Variants in ACACB observed in about 807,000 individuals in gnomAD.
ACACB encodes the protein acetyl-CoA carboxylase beta, also known as acetyl-CoA carboxylase 2.
A neutral mutation model predicts 278.8 loss-of-function variants in ACACB; 209 were observed. The observed-to-expected ratio is 0.75, with a 90% CI of 0.67 to 0.84. The LOEUF is 0.84. Ranked by LOEUF, ACACB falls within the 40% of genes least tolerant of loss-of-function variation. The probability of loss-of-function intolerance (pLI) is 0.00; values close to 1 mark genes in which losing one functional copy is unlikely to be tolerated. For missense variants in ACACB, 2,850 were observed against 3,269.0 expected (o/e 0.87, Z 3.13); for synonymous variants, 1,174 against 1,285.6 (o/e 0.91, Z 1.86).
At chr12:109,258,707 C>T (rs1410648959) in intron 46 of ACACB, among the ~76,000 whole-genome samples, 1 of 152,204 alleles carries the variant, frequency 6.6e-6, no homozygotes. Context: ...GCCGGCTTTA[C>T]CCCAACTCAG....
At chr12:109,127,372 C>G (rs1282612974) in intron 1 of ACACB, among the ~76,000 whole-genome samples, 1 of 151,436 alleles carries the variant, frequency 6.6e-6, no homozygotes, top group Admixed American at 6.6e-5. Context: ...AGCTCTTACT[C>G]AGGAGTTCAA....
At chr12:109,151,759 A>G (rs1215404851) in intron 2 of ACACB, among the ~76,000 whole-genome samples, 1 of 152,212 alleles carries the variant, frequency 6.6e-6, no homozygotes, top group Non-Finnish European at 1.5e-5. Context: ...TCTGAGAGGA[A>G]GGGCTTAATG....
chr12:109,241,007 G>C, intron 35 of ACACB, 71 bp from the exon 36 acceptor site: 1 of 1,472,098 alleles, frequency 6.8e-7, no homozygotes, highest in Non-Finnish European at 9.5e-7. Context: ...CCTCTTATTA[G>C]TATCAGTGCT....
intron 15 of ACACB, among the ~76,000 whole-genome samples, chr12:109,193,410 G>T (rs917252663): frequency 3.3e-5 from 5 of 151,974 alleles, no homozygotes; most frequent in Non-Finnish European, 5.9e-5. Context: ...TAGAGATGGG[G>T]TTTTGCCATG....
intron 17 of ACACB, among the ~76,000 whole-genome samples, chr12:109,197,585 G>A (rs1284501028): frequency 2.0e-5 from 3 of 152,226 alleles, no homozygotes; most frequent in South Asian, 4.2e-4. Context: ...CAGCCCATTC[G>A]GGAAGATGAC....
At chr12:109,143,666 C>T (rs887535582) in intron 2 of ACACB, among the ~76,000 whole-genome samples, 14 of 152,206 alleles carry the variant, frequency 9.2e-5, no homozygotes, top group Middle Eastern at 3.4e-3. Context: ...GGCACTTCCT[C>T]AAGGAACATT....
At chr12:109,213,586 T>G (rs938121841) in intron 22 of ACACB, among the ~76,000 whole-genome samples, 1 of 152,080 alleles carries the variant, frequency 6.6e-6, no homozygotes, top group Admixed American at 6.6e-5. Flanking sequence ...ACTATTCTGA[T>G]GACAAAAGGA....
In ACACB at chr12:109,175,925, C is replaced by T. The variant is rs1312763484; in HGVS notation, c.1217-6C>T. Reference sequence around the variant, plus strand: ...GGAGGAATCAGGTTTCTTTGTGACTCTCCAGGCCTGACAGTGGAGTGGACA... The same window carrying T: ...GGAGGAATCAGGTTTCTTTGTGACTTTCCAGGCCTGACAGTGGAGTGGACA... On this transcript the variant is annotated splice_region_variant and splice_polypyrimidine_tract_variant and intron_variant, in intron 7 of 52. Coordinates refer to ENST00000338432, the MANE Select transcript of ACACB (RefSeq NM_001093.4). 2 of 1,613,374 alleles carry T rather than the reference C, an allele frequency of 1.2e-6. No homozygotes were observed. The highest frequency in any genetic ancestry group is 8.5e-7 in the Non-Finnish European group (1 of 1,179,506).
chr12:109,176,840 C>T (rs939134728), intron 9 of ACACB, among the ~76,000 whole-genome samples: 3 of 152,188 alleles, frequency 2.0e-5, no homozygotes, highest in Non-Finnish European at 2.9e-5. Context: ...TGGTCTCAAA[C>T]TCTTGGCCTT....
chr12:109,150,083 C>T (rs139477543), intron 2 of ACACB, among the ~76,000 whole-genome samples: 3 of 152,090 alleles, frequency 2.0e-5, no homozygotes, highest in Non-Finnish European at 4.4e-5. Flanking sequence ...GTACAGCACT[C>T]GAAGCAGCAC....
intron 3 of ACACB, chr12:109,167,247 G>C: frequency 2.3e-6 from 1 of 440,430 alleles, no homozygotes; most frequent in Non-Finnish European, 4.1e-6. Context: ...CACTCAAAAA[G>C]TGTTAAGGGT....
At chr12:109,238,849 GCCA>G (rs1463254072) in intron 34 of ACACB, among the ~76,000 whole-genome samples, 2 of 151,820 alleles carry the variant, frequency 1.3e-5, no homozygotes, top group East Asian at 3.9e-4. Context: ...ACAGGCGTGA[GCCA>G]CCACGCCTGG....
chr12:109,197,775 G>C (rs1446269794), intron 17 of ACACB, among the ~76,000 whole-genome samples: 1 of 152,156 alleles, frequency 6.6e-6, no homozygotes, highest in African/African-American at 2.4e-5. Flanking sequence ...CCCCAGCCAA[G>C]GTGATGAAAG....
At chr12:109,257,970 G>A (rs995329239) in intron 45 of ACACB, among the ~76,000 whole-genome samples, 8 of 152,196 alleles carry the variant, frequency 5.3e-5, no homozygotes, top group Non-Finnish European at 1.0e-4. Flanking sequence ...TCCTGTATTG[G>A]ACAGTGCAGA....
chr12:109,188,171 CTCCTTCCTTCCTTCCTTCCT>C lies in ACACB; in HGVS notation c.2144+53_2144+72del, dbSNP rs373209583. The C allele has an allele frequency of 3.8e-3, 5,141 of 1,357,006 alleles. 62 individuals carry two copies. Among genetic ancestry groups the C allele is most frequent in the African/African-American group, 0.037 (2,041 of 55,742 alleles). The allele number at this position is 1,357,006 out of a possible 1,614,324, so 84.1% of individuals were successfully genotyped here. On this transcript the variant is annotated intron_variant, in intron 13 of 52. Coordinates refer to ENST00000338432, the MANE Select transcript of ACACB (RefSeq NM_001093.4). ...CGGGAAGAGGCCATTTCGTCAGTATCTCCTTCCTTCCTTCCTTCCTTCCTTCCTTCCTTCCTTCCTTCCTT... is the reference window on the plus strand; with the variant it reads ...CGGGAAGAGGCCATTTCGTCAGTATCTCCTTCCTTCCTTCCTTCCTTCCTT...
chr12:109,197,446 T>C (rs2045176838), intron 17 of ACACB, among the ~76,000 whole-genome samples: 1 of 152,092 alleles, frequency 6.6e-6, no homozygotes, highest in Admixed American at 6.6e-5. Flanking sequence ...TGTGACCAGG[T>C]GCCTGCTGCC....
chr12:109,114,590 A>G (rs1347742256), upstream of ACACB, among the ~76,000 whole-genome samples: 1 of 151,928 alleles, frequency 6.6e-6, no homozygotes, highest in African/African-American at 2.4e-5. Context: ...CATACCTGTA[A>G]TCCCAGTGCT....
intron 4 of ACACB, 102 bp from the exon 5 acceptor site, chr12:109,171,702 TG>T: frequency 1.2e-6 from 1 of 848,076 alleles, no homozygotes; most frequent in Non-Finnish European, 1.9e-6. Flanking sequence ...GAAATCTGCA[TG>T]GTTCTGCTTT....
chr12:109,193,303 C>T (rs544636189), intron 15 of ACACB, among the ~76,000 whole-genome samples: 1 of 151,674 alleles, frequency 6.6e-6, no homozygotes, highest in African/African-American at 2.4e-5. Context: ...CTGCAACCTC[C>T]GCCTCCTGCA....
Sources: allele counts gnomAD v4.1 joint callset (sites outside exome capture counted in the v4.1 genomes callset), GRCh38; gene constraint gnomAD v4.1.1; transcripts MANE v1.5; gene names NCBI Gene and HGNC (gene_info 2026-07-23, HGNC 2026-07-21).